Variants in SNTG1 observed in about 807,000 individuals in gnomAD.
SNTG1 encodes syntrophin gamma 1.
SNTG1 carries 39 observed loss-of-function variants against 74.7 expected under a neutral mutation model. The observed-to-expected ratio is 0.52, with a 90% CI of 0.40 to 0.68. The LOEUF is 0.68. Among genes scored for constraint, SNTG1 ranks in the 30% least tolerant of loss-of-function variants. The pLI is 0.00. For synonymous variants in SNTG1, 254 were observed against 217.1 expected (o/e 1.17, Z -1.49); for missense variants, 685 against 609.5 (o/e 1.12, Z -1.30).
At chr8:50,143,869 T>C (rs1406922837) in intron 1 of SNTG1, among the ~76,000 whole-genome samples, 1 of 152,238 alleles carries the variant, frequency 6.6e-6, no homozygotes, top group Non-Finnish European at 1.5e-5. Flanking sequence ...TACACTCTGC[T>C]GCTTATTAAA....
At chr8:50,506,177 T>C (rs1467576624) in intron 9 of SNTG1, among the ~76,000 whole-genome samples, 3 of 152,094 alleles carry the variant, frequency 2.0e-5, no homozygotes, top group African/African-American at 7.2e-5. Flanking sequence ...AGGGTTAATT[T>C]TGGGATTATT....
At chr8:50,300,189 T>C (rs925687162) in intron 2 of SNTG1, among the ~76,000 whole-genome samples, 14 of 152,154 alleles carry the variant, frequency 9.2e-5, no homozygotes, top group Admixed American at 5.2e-4. Context: ...CCTAATGCAC[T>C]TATCTTTTCG....
chr8:50,227,190 A>G (rs1295119738), intron 2 of SNTG1, among the ~76,000 whole-genome samples: 1 of 152,166 alleles, frequency 6.6e-6, no homozygotes, highest in Non-Finnish European at 1.5e-5. Flanking sequence ...TGTGGAGAAG[A>G]AGGCCCTGAA....
intron 1 of SNTG1, among the ~76,000 whole-genome samples, chr8:50,104,142 G>A (rs564882103): frequency 6.6e-6 from 1 of 152,276 alleles, no homozygotes; most frequent in Non-Finnish European, 1.5e-5. Context: ...AATGGTACCA[G>A]TTCCTCCTTG....
chr8:50,094,418 C>T (rs1414477374), intron 1 of SNTG1, among the ~76,000 whole-genome samples: 1 of 152,058 alleles, frequency 6.6e-6, no homozygotes, highest in Non-Finnish European at 1.5e-5. Flanking sequence ...GAGGAAAATA[C>T]TTGCAAGTTA....
chr8:50,328,530 G>C (rs1217390744), intron 2 of SNTG1, among the ~76,000 whole-genome samples: 1 of 152,208 alleles, frequency 6.6e-6, no homozygotes, highest in Non-Finnish European at 1.5e-5. Flanking sequence ...CAGCAGGACA[G>C]AGAGAGCATG....
At chr8:50,252,060 CA>C (rs2086669310) in intron 2 of SNTG1, among the ~76,000 whole-genome samples, 1 of 151,960 alleles carries the variant, frequency 6.6e-6, no homozygotes, top group Non-Finnish European at 1.5e-5. Context: ...AGGAAGACTT[CA>C]AAAACCTTAC....
chr8:50,299,271 C>T (rs1302045579), intron 2 of SNTG1, among the ~76,000 whole-genome samples: 1 of 152,050 alleles, frequency 6.6e-6, no homozygotes, highest in Non-Finnish European at 1.5e-5. Flanking sequence ...CTCACTGCAG[C>T]CTTGAACTCT....
chr8:50,238,216 G>A (rs2086003306), intron 2 of SNTG1, among the ~76,000 whole-genome samples: 1 of 151,948 alleles, frequency 6.6e-6, no homozygotes, highest in Non-Finnish European at 1.5e-5. Context: ...AAAACTGGAG[G>A]GATCACACTA....
chr8:50,565,391 A>G (rs998903371), intron 12 of SNTG1, among the ~76,000 whole-genome samples: 1 of 152,028 alleles, frequency 6.6e-6, no homozygotes, highest in Non-Finnish European at 1.5e-5. Context: ...TTGTTATGAA[A>G]TGTAAAATGC....
chr8:49,946,414 G>A (rs1010202717), intron 1 of SNTG1, among the ~76,000 whole-genome samples: 1 of 152,172 alleles, frequency 6.6e-6, no homozygotes, highest in African/African-American at 2.4e-5. Flanking sequence ...GGAGATACGT[G>A]TATGGTGGTG....
intron 13 of SNTG1, among the ~76,000 whole-genome samples, chr8:50,600,930 GA>G (rs1278922743): frequency 6.6e-6 from 1 of 151,352 alleles, no homozygotes; most frequent in Non-Finnish European, 1.5e-5. Flanking sequence ...AGGACTTTGG[GA>G]GGCCAAGGTG....
At chr8:50,560,309 G>A (rs1254302478) in intron 12 of SNTG1, among the ~76,000 whole-genome samples, 1 of 152,166 alleles carries the variant, frequency 6.6e-6, no homozygotes, top group East Asian at 1.9e-4. Flanking sequence ...AGAGAGTGTG[G>A]TGATTCCTTA....
chr8:49,918,428 A>T (rs180910226), intron 1 of SNTG1, among the ~76,000 whole-genome samples: 1 of 152,342 alleles, frequency 6.6e-6, no homozygotes, highest in African/African-American at 2.4e-5. Context: ...CTAAGAAAAG[A>T]TTATTAGTTA....
At chr8:49,926,111 T>C (rs1203582031) in intron 1 of SNTG1, among the ~76,000 whole-genome samples, 1 of 152,156 alleles carries the variant, frequency 6.6e-6, no homozygotes, top group African/African-American at 2.4e-5. Context: ...TAGTTTCAGA[T>C]ATATAATACT....
Position 49,943,078 on chromosome 8 carries a change from A to T in SNTG1, c.-103+30847A>T, listed in dbSNP as rs533411371. 5.3e-4 allele frequency among the ~76,000 whole-genome samples: 80 copies of T among 152,336 alleles called. No homozygotes were observed. The Middle Eastern group carries it at 0.014, about 26-fold the overall frequency. ...ATGAACTCATGGATGTTTATTTTGT[A>T]ATTTCAGTCATAATGCAATACTCCT... On this transcript the variant is annotated intron_variant, in intron 1 of 18. Coordinates refer to ENST00000642720, the MANE Select transcript of SNTG1 (RefSeq NM_018967.5).
intron 15 of SNTG1, among the ~76,000 whole-genome samples, chr8:50,680,419 T>C (rs956478812): frequency 2.0e-5 from 3 of 152,188 alleles, no homozygotes; most frequent in Admixed American, 6.5e-5. Flanking sequence ...GATGAAGCTG[T>C]AGTTGGTCGA....
chr8:50,725,391 TAAC>T (rs972025926), intron 17 of SNTG1, among the ~76,000 whole-genome samples: 1 of 152,186 alleles, frequency 6.6e-6, no homozygotes, highest in Non-Finnish European at 1.5e-5. Flanking sequence ...TTTTTTAACT[TAAC>T]TAAAGTTGAG....
At chr8:50,657,341 G>A (rs1392505495) in intron 14 of SNTG1, among the ~76,000 whole-genome samples, 5 of 152,054 alleles carry the variant, frequency 3.3e-5, no homozygotes, top group African/African-American at 4.8e-5. Context: ...TCAAGCATAT[G>A]TCAGTGTATT....
Sources: allele counts gnomAD v4.1 joint callset (sites outside exome capture counted in the v4.1 genomes callset), GRCh38; gene constraint gnomAD v4.1.1; transcripts MANE v1.5; gene names NCBI Gene and HGNC (gene_info 2026-07-23, HGNC 2026-07-21).